Variants in ACTR3C observed in about 807,000 individuals in gnomAD.
ACTR3C encodes the protein actin-related protein 3C.
In ACTR3C, 18 loss-of-function variants were observed where a neutral mutation model predicts 26.3. The observed-to-expected ratio is 0.68, with a 90% CI of 0.47 to 1.01. The LOEUF is 1.01. Among genes scored for constraint, ACTR3C ranks in the 50% least tolerant of loss-of-function variants. ACTR3C has a pLI of 0.00. For synonymous variants in ACTR3C, 55 were observed against 94.5 expected, an observed-to-expected ratio of 0.58 and a Z score of 2.42; for missense variants, 184 against 250.7, an observed-to-expected ratio of 0.73 and a Z score of 1.80.
At chr7:149,994,834 T>C in the ACTR3C span, among the ~76,000 whole-genome samples, 10 of 149,272 alleles carry the variant, frequency 6.7e-5, no homozygotes, top group African/African-American at 2.5e-4. Flanking sequence ...GAGCAAGAAG[T>C]GTTAACATTC....
At chr7:149,914,254 A>G in the ACTR3C span, among the ~76,000 whole-genome samples, 5 of 152,006 alleles carry the variant, frequency 3.3e-5, no homozygotes, top group Non-Finnish European at 7.3e-5. Context: ...ATGAAAAAAA[A>G]TAATGTAGGA....
chr7:150,162,394 C>T, the ACTR3C span, among the ~76,000 whole-genome samples: 1 of 151,848 alleles, frequency 6.6e-6, no homozygotes, highest in Non-Finnish European at 1.5e-5. Flanking sequence ...GGTGCAATCT[C>T]GGCTCACTGC....
chr7:150,239,507 GCTCTCTCTCTCT>G (rs1187583060), downstream of ACTR3C, among the ~76,000 whole-genome samples: 2 of 103,004 alleles, frequency 1.9e-5, no homozygotes, highest in Non-Finnish European at 3.5e-5. Flanking sequence ...AAAGTTGCTC[GCTCTCTCTCTCT>G]CTCTCTCTCT....
chr7:150,046,446 C>T, the ACTR3C span, among the ~76,000 whole-genome samples: 2 of 148,362 alleles, frequency 1.3e-5, no homozygotes, highest in African/African-American at 5.0e-5. Flanking sequence ...CCAAAACCAC[C>T]TACTCAGTGC....
the ACTR3C span, among the ~76,000 whole-genome samples, chr7:150,177,265 A>G: frequency 6.6e-6 from 1 of 150,748 alleles, no homozygotes; most frequent in African/African-American, 2.5e-5. Flanking sequence ...TTTGTAGTTA[A>G]CTAATTTTTT....
chr7:150,015,031 C>T, the ACTR3C span, among the ~76,000 whole-genome samples: 1 of 152,126 alleles, frequency 6.6e-6, no homozygotes, highest in Non-Finnish European at 1.5e-5. Flanking sequence ...TACAATGGCT[C>T]TGAAGATGAA....
At chr7:149,952,808 A>G in the ACTR3C span, among the ~76,000 whole-genome samples, 1 of 150,890 alleles carries the variant, frequency 6.6e-6, no homozygotes, top group Non-Finnish European at 1.5e-5. Context: ...AGAATGATAA[A>G]GCCTTGTGTT....
chr7:149,918,394 T>TA, the ACTR3C span, among the ~76,000 whole-genome samples: 1 of 151,078 alleles, frequency 6.6e-6, no homozygotes, highest in South Asian at 2.1e-4. Flanking sequence ...TTTTAAAAAT[T>TA]AAAAAAAAAA....
chr7:150,023,239 C>CTATATA, the ACTR3C span, among the ~76,000 whole-genome samples: 2 of 64,236 alleles, frequency 3.1e-5, no homozygotes, highest in Non-Finnish European at 7.1e-5. Context: ...CTATATATCT[C>CTATATA]TCTATCTCTA....
chr7:150,293,941 TA>T (rs1375252002), intron 2 of ACTR3C, among the ~76,000 whole-genome samples: 1 of 149,744 alleles, frequency 6.7e-6, no homozygotes, highest in Non-Finnish European at 1.5e-5. Context: ...GTCTCAAAAA[TA>T]AAAAAAAGAA....
the ACTR3C span, among the ~76,000 whole-genome samples, chr7:150,182,225 A>G: frequency 1.3e-5 from 2 of 150,714 alleles, no homozygotes; most frequent in East Asian, 1.9e-4. Flanking sequence ...ATAATCTACT[A>G]TTGATTACTG....
At chr7:150,094,166 T>C in the ACTR3C span, among the ~76,000 whole-genome samples, 1 of 150,584 alleles carries the variant, frequency 6.6e-6, no homozygotes, top group Non-Finnish European at 1.5e-5. Context: ...GACCTCCATT[T>C]GTTGAGCCCT....
At chr7:150,040,225 G>C in the ACTR3C span, among the ~76,000 whole-genome samples, 1 of 147,888 alleles carries the variant, frequency 6.8e-6, no homozygotes, top group Non-Finnish European at 1.5e-5. Context: ...TAATAGGGGG[G>C]CCATCCTTTA....
chr7:150,118,886 C>T, the ACTR3C span, among the ~76,000 whole-genome samples: 7 of 149,030 alleles, frequency 4.7e-5, no homozygotes, highest in Non-Finnish European at 8.9e-5. Context: ...CAGCGGATCT[C>T]TCTGCAGAAA....
chr7:150,035,298 C>T, the ACTR3C span, among the ~76,000 whole-genome samples: 1 of 61,046 alleles, frequency 1.6e-5, no homozygotes, highest in Non-Finnish European at 4.1e-5. Context: ...GTGCCTCCCC[C>T]CCCTTGCGAT....
At chr7:149,890,149 T>C in the ACTR3C span, among the ~76,000 whole-genome samples, 19 of 152,372 alleles carry the variant, frequency 1.2e-4, no homozygotes, top group African/African-American at 4.6e-4. Context: ...TCAGAAAGAA[T>C]TTTATAATTG....
At chr7:150,234,009 C>T in the ACTR3C span, among the ~76,000 whole-genome samples, 3 of 152,088 alleles carry the variant, frequency 2.0e-5, no homozygotes, top group Admixed American at 2.0e-4. Flanking sequence ...ATAATGTTTG[C>T]TGTAGATGTA....
chr7:150,114,857 G>T, the ACTR3C span, among the ~76,000 whole-genome samples: 1 of 152,024 alleles, frequency 6.6e-6, no homozygotes, highest in Non-Finnish European at 1.5e-5. Flanking sequence ...CAGATGCCTA[G>T]AAGTCAGAGA....
the ACTR3C span, among the ~76,000 whole-genome samples, chr7:150,179,432 G>GA: frequency 6.0e-5 from 7 of 116,040 alleles, 1 homozygote; most frequent in East Asian, 2.4e-4. Flanking sequence ...AAAAAAAAAA[G>GA]AAAGAAATTG....
Sources: allele counts gnomAD v4.1 joint callset (sites outside exome capture counted in the v4.1 genomes callset), GRCh38; gene constraint gnomAD v4.1.1; transcripts MANE v1.5; gene names NCBI Gene and HGNC (gene_info 2026-07-23, HGNC 2026-07-21).